The following RBMS3 variants were observed in gnomAD, a reference collection of about 807,000 sequenced individuals.
RBMS3 encodes RNA-binding motif, single-stranded-interacting protein 3.
RBMS3 carries 27 observed loss-of-function variants against 66.8 expected under a neutral mutation model. The observed-to-expected ratio is 0.40, with a 90% confidence interval of 0.30 to 0.56. RBMS3 has a LOEUF of 0.56. RBMS3 is among the 20% of genes least tolerant of loss of function. RBMS3 has a pLI of 0.40. For missense variants in RBMS3, 513 were observed against 549.5 expected (o/e 0.93, Z 0.66); for synonymous variants, 188 against 183.0 (o/e 1.03, Z -0.22).
intron 3 of RBMS3, among the ~76,000 whole-genome samples, chr3:29,505,137 A>T (rs553837886): frequency 3.2e-4 from 48 of 152,188 alleles, no homozygotes; most frequent in African/African-American, 1.1e-3. Flanking sequence ...TGACCAGACC[A>T]ATGTCACAGA....
intron 6 of RBMS3, among the ~76,000 whole-genome samples, chr3:29,828,468 C>T (rs915030958): frequency 1.3e-5 from 2 of 152,114 alleles, no homozygotes; most frequent in Admixed American, 1.3e-4. Context: ...AAAAACAATG[C>T]AACAAGCATA....
chr3:29,740,228 G>C (rs564698197), intron 5 of RBMS3, among the ~76,000 whole-genome samples: 3 of 152,060 alleles, frequency 2.0e-5, no homozygotes, highest in Non-Finnish European at 2.9e-5. Context: ...CAAAGCAAAA[G>C]AGCCCATGTG....
intron 6 of RBMS3, among the ~76,000 whole-genome samples, chr3:29,777,091 C>T (rs1257219616): frequency 6.6e-6 from 1 of 151,816 alleles, no homozygotes; most frequent in Non-Finnish European, 1.5e-5. Flanking sequence ...CTCTAGTTCC[C>T]AGGGCCTGCA....
At chr3:29,480,201 A>C (rs1215863334) in intron 2 of RBMS3, among the ~76,000 whole-genome samples, 1 of 152,216 alleles carries the variant, frequency 6.6e-6, no homozygotes. Context: ...GAAGATTTGT[A>C]ATACAGTTGT....
intron 3 of RBMS3, among the ~76,000 whole-genome samples, chr3:29,514,878 T>C (rs1324023620): frequency 6.6e-6 from 1 of 151,844 alleles, no homozygotes; most frequent in African/African-American, 2.4e-5. Context: ...GTGAGTACTT[T>C]ATGCATGTCA....
chr3:29,389,040 G>A (rs554146410), intron 1 of RBMS3, among the ~76,000 whole-genome samples: 14 of 152,228 alleles, frequency 9.2e-5, no homozygotes, highest in South Asian at 4.1e-4. Context: ...TTATTTAATT[G>A]AATCCTTTTG....
At chr3:29,785,225 A>G (rs1454256894) in intron 6 of RBMS3, among the ~76,000 whole-genome samples, 1 of 152,040 alleles carries the variant, frequency 6.6e-6, no homozygotes, top group African/African-American at 2.4e-5. Context: ...AAAGAAAACT[A>G]CAGACCAGTA....
chr3:29,789,852 G>C (rs1374422989), intron 6 of RBMS3, among the ~76,000 whole-genome samples: 2 of 152,136 alleles, frequency 1.3e-5, no homozygotes, highest in Admixed American at 6.5e-5. Flanking sequence ...TTGAATGCTT[G>C]TGACCAAAGG....
chr3:29,750,208 G>A (rs941008759), intron 5 of RBMS3, among the ~76,000 whole-genome samples: 5 of 152,070 alleles, frequency 3.3e-5, no homozygotes, highest in East Asian at 3.9e-4. Flanking sequence ...ATTTTACTTC[G>A]TCCAAAAGTA....
chr3:29,434,157 T>C lies in RBMS3; in HGVS notation c.76-586T>C, dbSNP rs571283035. ...AGCTCCATCTTGCAAACAAGGAACA[T>C]TCAATGTAAAGAAACGATTTTGGGA... On this transcript the variant is annotated intron_variant, in intron 1 of 14. Transcript: ENST00000383767. Among the ~76,000 whole-genome samples the C allele has an allele frequency of 1.2e-4, 18 of 152,302 alleles. 1 individual carries two copies. In the South Asian group the frequency reaches 2.9e-3, roughly 25 times the overall value.
At chr3:29,963,697 G>A (rs528520169) in intron 12 of RBMS3, among the ~76,000 whole-genome samples, 148 of 151,870 alleles carry the variant, frequency 9.7e-4, no homozygotes, top group Non-Finnish European at 1.7e-3. Flanking sequence ...GTGTGGTGGC[G>A]CGTGCTTATA....
At chr3:29,648,258 T>C (rs1005032599) in intron 4 of RBMS3, among the ~76,000 whole-genome samples, 1 of 144,808 alleles carries the variant, frequency 6.9e-6, no homozygotes, top group Non-Finnish European at 1.5e-5. Flanking sequence ...AAATAGAAAA[T>C]GTCTATTTTT....
chr3:29,331,810 A>G (rs1239177588), intron 1 of RBMS3, among the ~76,000 whole-genome samples: 5 of 131,400 alleles, frequency 3.8e-5, no homozygotes, highest in Non-Finnish European at 7.8e-5. Flanking sequence ...AACCCAGGAT[A>G]GCTCCTTTTT....
chr3:29,771,456 T>C (rs2056193934), intron 6 of RBMS3, among the ~76,000 whole-genome samples: 1 of 152,006 alleles, frequency 6.6e-6, no homozygotes, highest in Non-Finnish European at 1.5e-5. Flanking sequence ...TACCTAGTTG[T>C]GGTAGACAGA....
At chr3:29,506,972 C>G (rs1299768362) in intron 3 of RBMS3, among the ~76,000 whole-genome samples, 1 of 147,072 alleles carries the variant, frequency 6.8e-6, no homozygotes, top group Non-Finnish European at 1.5e-5. Flanking sequence ...TCTTTTTGTT[C>G]TTTGTTGGTC....
chr3:29,820,188 C>CAAAAAA (rs71091078), intron 6 of RBMS3, among the ~76,000 whole-genome samples: 22 of 69,824 alleles, frequency 3.2e-4, no homozygotes, highest in Middle Eastern at 0.01. Context: ...GACTTCTTCT[C>CAAAAAA]AAAAAAAAAA....
intron 1 of RBMS3, among the ~76,000 whole-genome samples, chr3:29,309,960 T>G (rs1345860564): frequency 1.3e-5 from 2 of 151,522 alleles, no homozygotes. Context: ...TGGGATAACA[T>G]AATTAAGGGA....
intron 3 of RBMS3, among the ~76,000 whole-genome samples, chr3:29,564,428 G>T (rs559217681): frequency 4.6e-5 from 7 of 151,526 alleles, no homozygotes; most frequent in Admixed American, 2.6e-4. Context: ...GGAGGTTGCA[G>T]TGAGCCGAGA....
intron 6 of RBMS3, among the ~76,000 whole-genome samples, chr3:29,820,188 C>CAAAAAAAAA (rs71091078): frequency 2.1e-4 from 15 of 69,826 alleles, no homozygotes; most frequent in Non-Finnish European, 3.1e-4. Flanking sequence ...GACTTCTTCT[C>CAAAAAAAAA]AAAAAAAAAA....
Sources: allele counts gnomAD v4.1 joint callset (sites outside exome capture counted in the v4.1 genomes callset), GRCh38; gene constraint gnomAD v4.1.1; transcripts MANE v1.5; gene names NCBI Gene and HGNC (gene_info 2026-07-23, HGNC 2026-07-21).